The following RELL1 variants were observed in gnomAD, a reference collection of about 807,000 sequenced individuals.
The protein encoded by RELL1 is RELT like 1.
Under a neutral mutation model 23.0 loss-of-function variants are expected in RELL1, and 10 were observed. That is an observed-to-expected ratio of 0.43 (90% CI 0.27 to 0.74). The LOEUF is 0.74. RELL1 is among the 30% of genes least tolerant of loss of function. The pLI, the probability that RELL1 is intolerant of heterozygous loss-of-function variation, is 0.19. For missense variants in RELL1, 315 were observed against 364.4 expected, an observed-to-expected ratio of 0.86 and a Z score of 1.10; for synonymous variants, 146 against 146.8, an observed-to-expected ratio of 0.99 and a Z score of 0.04.
intron 1 of RELL1, among the ~76,000 whole-genome samples, chr4:37,683,857 G>A (rs886169639): frequency 1.3e-5 from 2 of 151,732 alleles, no homozygotes; most frequent in East Asian, 1.9e-4. Flanking sequence ...CAAGGTGGGC[G>A]GATCACGAGG....
rs1719375549 is a variant in RELL1, at chr4:37,611,507, T to C, written c.*1839A>G. Among the ~76,000 whole-genome samples the C allele has an allele frequency of 6.6e-6, 1 of 152,214 alleles. No individual in the cohort carries two copies. The highest frequency in any genetic ancestry group is 2.4e-5 in the African/African-American group (1 of 41,454). Reference sequence around the variant, plus strand: ...TCTATGTACAGTAAATACTTTGAAGTATATTTTTATGGAAATCATCTTTTG... The same window carrying C: ...TCTATGTACAGTAAATACTTTGAAGCATATTTTTATGGAAATCATCTTTTG... On this transcript the variant is annotated 3_prime_UTR_variant, in exon 7 of 7. Transcript: ENST00000454158.
intron 1 of RELL1, among the ~76,000 whole-genome samples, chr4:37,654,349 C>T (rs539839825): frequency 1.3e-5 from 2 of 152,302 alleles, no homozygotes; most frequent in South Asian, 4.1e-4. Flanking sequence ...TTTCCACCAT[C>T]CCAGAAAGTT....
At chr4:37,632,150 G>A (rs866278142) in intron 5 of RELL1, among the ~76,000 whole-genome samples, 98 of 117,350 alleles carry the variant, frequency 8.4e-4, no homozygotes, top group African/African-American at 2.7e-3. Context: ...CAGAGTTGTC[G>A]TTTCTAACAA....
intron 1 of RELL1, among the ~76,000 whole-genome samples, chr4:37,652,384 C>T (rs1044381532): frequency 2.0e-5 from 3 of 152,078 alleles, no homozygotes; most frequent in Admixed American, 6.6e-5. Context: ...TGCAATATAC[C>T]GTCTAAGTTA....
chr4:37,679,782 C>A (rs896558896), intron 1 of RELL1, among the ~76,000 whole-genome samples: 3 of 151,940 alleles, frequency 2.0e-5, no homozygotes, highest in Admixed American at 6.6e-5. Flanking sequence ...TGGTGAAACC[C>A]CATCTCTACT....
chr4:37,604,030 C>T (rs1017870876), intron 6 of RELL1, among the ~76,000 whole-genome samples: 2 of 152,114 alleles, frequency 1.3e-5, no homozygotes, highest in Non-Finnish European at 2.9e-5. Flanking sequence ...TCACGTTGCC[C>T]AGGCTGGTCT....
chr4:37,669,349 G>A (rs539447705), intron 1 of RELL1, among the ~76,000 whole-genome samples: 4 of 146,910 alleles, frequency 2.7e-5, no homozygotes, highest in African/African-American at 7.5e-5. Context: ...CGCTCCCTCC[G>A]GGAGGGAGGT....
At chr4:37,623,116 T>C (rs1560333254) in intron 6 of RELL1, 3 of 319,758 alleles carry the variant, frequency 9.4e-6, no homozygotes, top group African/African-American at 4.5e-5. Flanking sequence ...AAATACTTTT[T>C]AAAGATATAA....
chr4:37,631,113 C>G (rs1032364519), intron 6 of RELL1, among the ~76,000 whole-genome samples: 7 of 152,166 alleles, frequency 4.6e-5, no homozygotes, highest in Admixed American at 1.3e-4. Flanking sequence ...CCACAATCCC[C>G]ACCATGCCAC....
At chr4:37,639,011 C>T (rs1027681116) in intron 3 of RELL1, among the ~76,000 whole-genome samples, 12 of 152,104 alleles carry the variant, frequency 7.9e-5, no homozygotes, top group Non-Finnish European at 4.4e-5. Flanking sequence ...TATCCCATAT[C>T]GATTCAGGGA....
chr4:37,644,628 T>G (rs1720646150), intron 3 of RELL1, among the ~76,000 whole-genome samples: 1 of 151,350 alleles, frequency 6.6e-6, no homozygotes, highest in Admixed American at 6.6e-5. Context: ...CCCAGCTAAT[T>G]TTTACATTTT....
chr4:37,635,652 C>G lies in RELL1; in HGVS notation c.444-529G>C, dbSNP rs188758217. 9.2e-5 allele frequency among the ~76,000 whole-genome samples: 14 copies of G among 152,212 alleles called. No individual in the cohort carries two copies. In the East Asian group the frequency reaches 2.5e-3, roughly 27 times the overall value. On this transcript the variant is annotated intron_variant, in intron 4 of 6. Transcript: ENST00000454158. ...GAAGAAAAAAAAATGTGATTTATCA[C>G]TTCTAGAATGGAATTTATTAGCTGG... is the stretch of plus-strand genomic sequence containing the variant.
chr4:37,659,317 G>C (rs954199093), intron 1 of RELL1, among the ~76,000 whole-genome samples: 3 of 152,218 alleles, frequency 2.0e-5, no homozygotes, highest in Non-Finnish European at 4.4e-5. Context: ...AGATGAAAAA[G>C]ATCAAAGACA....
At chr4:37,604,844 C>CACACACACACACAG (rs1719128268) in intron 6 of RELL1, among the ~76,000 whole-genome samples, 4 of 124,536 alleles carry the variant, frequency 3.2e-5, no homozygotes, top group African/African-American at 1.4e-4. Flanking sequence ...CACACAGACA[C>CACACACACACACAG]ACACACAGAC....
intron 6 of RELL1, chr4:37,591,245 G>A (rs1035876010): frequency 2.9e-5 from 12 of 408,176 alleles, no homozygotes; most frequent in Non-Finnish European, 4.8e-5. Context: ...GTGGGTCATT[G>A]TGCCCATATC....
At chr4:37,595,519 C>T (rs983935138) in intron 6 of RELL1, among the ~76,000 whole-genome samples, 2 of 151,316 alleles carry the variant, frequency 1.3e-5, no homozygotes, top group South Asian at 2.1e-4. Flanking sequence ...GTGATCTTTT[C>T]CCGGTCTGGT....
Position 37,590,830 on chromosome 4 carries a change from G to C in RELL1, c.*391C>G, listed in dbSNP as rs1333562329. On this transcript the variant is annotated 3_prime_UTR_variant, in exon 7 of 7. Coordinates refer to the RELL1 transcript ENST00000314117. ...TCTAAGCATCTGCTTTAATGAGAAG[G>C]GTCCTGTTCATGCCATGCCTGTGGT... 3 of 1,614,216 alleles carry C rather than the reference G, an allele frequency of 1.9e-6. No homozygotes were observed. The Admixed American group carries it at 5.0e-5, about 27-fold the overall frequency.
At chr4:37,644,593 T>C (rs1304324759) in intron 3 of RELL1, among the ~76,000 whole-genome samples, 1 of 151,548 alleles carries the variant, frequency 6.6e-6, no homozygotes, top group Non-Finnish European at 1.5e-5. Flanking sequence ...GCCTCCCAAG[T>C]AGATTACAGA....
intron 6 of RELL1, among the ~76,000 whole-genome samples, chr4:37,620,800 A>C (rs1045180001): frequency 2.0e-5 from 3 of 152,220 alleles, no homozygotes; most frequent in Non-Finnish European, 2.9e-5. Flanking sequence ...GAAATATCAA[A>C]AACATTAATT....
Sources: gnomAD v4.1 joint callset for allele counts (sites outside exome capture counted in the v4.1 genomes callset) on GRCh38, gnomAD v4.1.1 for gene constraint, MANE v1.5 for transcripts, NCBI Gene and HGNC (gene_info 2026-07-23, HGNC 2026-07-21) for gene names.